ADCY8: variants seen among roughly 807,000 people sequenced by gnomAD.
ADCY8 encodes adenylate cyclase 8, also known as adenylate cyclase type 8.
ADCY8 carries 51 observed loss-of-function variants against 119.7 expected under a neutral mutation model. That is an observed-to-expected ratio of 0.43 (90% CI 0.34 to 0.54). The LOEUF (loss-of-function observed/expected upper bound fraction) is 0.54. ADCY8 is among the 20% of genes least tolerant of loss of function. ADCY8 has a pLI of 0.03. For synonymous variants in ADCY8, 665 were observed against 651.0 expected, an observed-to-expected ratio of 1.02 and a Z score of -0.33; for missense variants, 1,383 against 1,598.8, an observed-to-expected ratio of 0.87 and a Z score of 2.30.
chr8:130,900,998 C>T (rs538285079), intron 7 of ADCY8, among the ~76,000 whole-genome samples: 1 of 152,250 alleles, frequency 6.6e-6, no homozygotes, highest in African/African-American at 2.4e-5. Context: ...GTTCTATCAT[C>T]GACGCAGTTC....
intron 7 of ADCY8, among the ~76,000 whole-genome samples, chr8:130,897,398 T>C (rs1260484145): frequency 6.6e-6 from 1 of 152,062 alleles, no homozygotes; most frequent in African/African-American, 2.4e-5. Context: ...CACATTTCCT[T>C]TTCTTCTGGT....
rs1817086754 is a variant in ADCY8 at position 130,839,809 on chromosome 8, A to G, written c.2503-3360T>C. The stretch of plus-strand genomic sequence containing the variant: ...AAGGGGCAAAACCACACTGTAAAAA[A>G]TCCTCTAGTATGGAAATCTGTACTT... On this transcript the variant is annotated intron_variant, in intron 11 of 17. Transcript: ENST00000286355. Among the ~76,000 whole-genome samples, 2 of 140,208 alleles carry G rather than the reference A, an allele frequency of 1.4e-5. 1 individual carries two copies. The highest frequency in any genetic ancestry group is 3.2e-5 in the Non-Finnish European group (2 of 62,004). 92.0% of individuals were successfully genotyped at this position (140,208 alleles called of 152,430 possible).
intron 5 of ADCY8, 99 bp downstream of exon 5, chr8:130,936,974 C>T: frequency 7.1e-7 from 1 of 1,399,360 alleles, no homozygotes; most frequent in Non-Finnish European, 9.5e-7. Flanking sequence ...AAAGGTTCTG[C>T]CTTTCACCAT....
chr8:130,894,983 C>G (rs888905705), intron 7 of ADCY8, among the ~76,000 whole-genome samples: 3 of 152,074 alleles, frequency 2.0e-5, no homozygotes, highest in African/African-American at 7.2e-5. Flanking sequence ...GAGAGCAATC[C>G]TGGTGTAGCT....
chr8:130,840,430 G>C (rs1338448258), intron 11 of ADCY8, among the ~76,000 whole-genome samples: 1 of 96,606 alleles, frequency 1.0e-5, no homozygotes, highest in African/African-American at 2.7e-5. Flanking sequence ...TTGGGGATGT[G>C]AGGAGGAGAA....
chr8:130,825,257 C>A (rs955962107), intron 12 of ADCY8, among the ~76,000 whole-genome samples: 7 of 152,086 alleles, frequency 4.6e-5, no homozygotes, highest in Admixed American at 1.3e-4. Context: ...ATTATAGTCA[C>A]CCTGCAGTGC....
intron 2 of ADCY8, among the ~76,000 whole-genome samples, chr8:130,953,644 T>C (rs1470366154): frequency 6.6e-6 from 1 of 152,190 alleles, no homozygotes; most frequent in East Asian, 1.9e-4. Flanking sequence ...ATCTCATCTT[T>C]CTGTGCCTTA....
At chr8:130,912,399 C>T (rs1455627328) in intron 5 of ADCY8, among the ~76,000 whole-genome samples, 1 of 152,092 alleles carries the variant, frequency 6.6e-6, no homozygotes, top group African/African-American at 2.4e-5. Context: ...CATATATATC[C>T]AAGCTTTTTG....
chr8:130,786,672 G>A (rs1815257267), intron 15 of ADCY8, among the ~76,000 whole-genome samples: 2 of 152,160 alleles, frequency 1.3e-5, no homozygotes, highest in South Asian at 4.1e-4. Context: ...AGATACATGA[G>A]CTCTACCAAC....
intron 2 of ADCY8, among the ~76,000 whole-genome samples, chr8:130,960,585 GAA>G (rs1821569524): frequency 6.6e-6 from 1 of 152,086 alleles, no homozygotes; most frequent in South Asian, 2.1e-4. Flanking sequence ...GATACAATCA[GAA>G]AAAGAGCCTG....
chr8:131,019,458 T>C (rs1056953740), intron 1 of ADCY8, among the ~76,000 whole-genome samples: 45 of 152,214 alleles, frequency 3.0e-4, no homozygotes, highest in Non-Finnish European at 4.4e-5. Context: ...ATATGATTCC[T>C]GTTAAGCTGC....
intron 1 of ADCY8, among the ~76,000 whole-genome samples, chr8:130,995,073 T>C (rs957789823): frequency 6.6e-6 from 1 of 152,204 alleles, no homozygotes; most frequent in Non-Finnish European, 1.5e-5. Context: ...TATACCTAGT[T>C]GGTGAAATGT....
At chr8:130,920,143 T>TCA (rs1820255774) in intron 5 of ADCY8, among the ~76,000 whole-genome samples, 1 of 83,498 alleles carries the variant, frequency 1.2e-5, no homozygotes, top group Admixed American at 1.5e-4. Flanking sequence ...ACTCCGTTTC[T>TCA]TAAAAAAAAA....
chr8:130,798,059 C>CAA (rs1815641739), intron 15 of ADCY8, among the ~76,000 whole-genome samples: 1 of 152,158 alleles, frequency 6.6e-6, no homozygotes, highest in Non-Finnish European at 1.5e-5. Context: ...CTAATAATTC[C>CAA]TAGCCTAAGG....
At chr8:130,944,848 A>G (rs1443961569) in intron 3 of ADCY8, among the ~76,000 whole-genome samples, 1 of 152,252 alleles carries the variant, frequency 6.6e-6, no homozygotes, top group East Asian at 1.9e-4. Context: ...ATTAAATGAT[A>G]TATAAGACCT....
At chr8:130,822,962 C>T (rs1007611215) in intron 12 of ADCY8, among the ~76,000 whole-genome samples, 2 of 152,216 alleles carry the variant, frequency 1.3e-5, no homozygotes, top group Non-Finnish European at 2.9e-5. Context: ...CATCATCTTG[C>T]TCATGGTGGT....
At chr8:130,962,955 T>A (rs1821649493) in intron 2 of ADCY8, among the ~76,000 whole-genome samples, 1 of 152,190 alleles carries the variant, frequency 6.6e-6, no homozygotes, top group African/African-American at 2.4e-5. Context: ...TATTGTCTAA[T>A]TAAAACCTCA....
chr8:130,878,877 C>CA (rs1374578932), intron 8 of ADCY8, among the ~76,000 whole-genome samples: 8 of 152,106 alleles, frequency 5.3e-5, no homozygotes, highest in Non-Finnish European at 8.8e-5. Flanking sequence ...AGTTTACCCA[C>CA]AAAAATGCCC....
intron 7 of ADCY8, among the ~76,000 whole-genome samples, chr8:130,897,095 A>G (rs753719181): frequency 5.1e-4 from 78 of 152,142 alleles, no homozygotes; most frequent in Non-Finnish European, 9.6e-4. Context: ...GTTTCTATTC[A>G]GGCCCTTCCA....
Sources: allele counts gnomAD v4.1 joint callset (sites outside exome capture counted in the v4.1 genomes callset), GRCh38; gene constraint gnomAD v4.1.1; transcripts MANE v1.5; gene names NCBI Gene and HGNC (gene_info 2026-07-23, HGNC 2026-07-21).